The following CSMD1 variants were observed in gnomAD, a reference collection of about 807,000 sequenced individuals.
The protein encoded by CSMD1 is CUB and sushi domain-containing protein 1.
In CSMD1, 213 loss-of-function variants were observed where a neutral mutation model predicts 417.5. The ratio of observed to expected loss-of-function variants is 0.51; its 90% CI spans 0.46 to 0.57. CSMD1 has a LOEUF of 0.57. Ranked by LOEUF, CSMD1 falls within the 20% of genes least tolerant of loss-of-function variation. CSMD1 has a pLI of 0.00. For synonymous variants in CSMD1, 2,862 were observed against 1,736.8 expected, an observed-to-expected ratio of 1.65 and a Z score of -16.11; for missense variants, 6,923 against 4,529.7, an observed-to-expected ratio of 1.53 and a Z score of -15.17.
At chr8:4,245,224 T>C (rs1802632380) in intron 3 of CSMD1, among the ~76,000 whole-genome samples, 1 of 152,182 alleles carries the variant, frequency 6.6e-6, no homozygotes, top group Non-Finnish European at 1.5e-5. Context: ...TTTTCTGAAC[T>C]CTAAATCGGA....
intron 1 of CSMD1, among the ~76,000 whole-genome samples, chr8:4,849,261 G>A (rs1178558273): frequency 2.0e-5 from 3 of 152,072 alleles, no homozygotes; most frequent in Admixed American, 6.6e-5. Flanking sequence ...ACCTGTGCAT[G>A]TGTTTCATAT....
chr8:3,691,187 T>G (rs998070488), intron 7 of CSMD1, among the ~76,000 whole-genome samples: 1 of 151,906 alleles, frequency 6.6e-6, no homozygotes, highest in Non-Finnish European at 1.5e-5. Flanking sequence ...ACCAACATGG[T>G]GAAACCACGT....
intron 54 of CSMD1, among the ~76,000 whole-genome samples, chr8:2,990,736 T>A (rs1428183365): frequency 6.6e-6 from 1 of 152,214 alleles, no homozygotes; most frequent in Non-Finnish European, 1.5e-5. Context: ...GAATGTAAGA[T>A]GCTCTCTACC....
chr8:4,246,325 C>A (rs868465546), intron 3 of CSMD1, among the ~76,000 whole-genome samples: 1 of 152,144 alleles, frequency 6.6e-6, no homozygotes, highest in East Asian at 1.9e-4. Context: ...CCTCCACCTC[C>A]ATCCACGTCC....
At chr8:4,123,879 T>C (rs1802619462) in intron 3 of CSMD1, among the ~76,000 whole-genome samples, 1 of 152,204 alleles carries the variant, frequency 6.6e-6, no homozygotes, top group Admixed American at 6.5e-5. Flanking sequence ...ATTCCAGGGT[T>C]GTATGTGATT....
chr8:3,514,012 C>G (rs1797186378), intron 10 of CSMD1, among the ~76,000 whole-genome samples: 1 of 152,160 alleles, frequency 6.6e-6, no homozygotes, highest in Non-Finnish European at 1.5e-5. Flanking sequence ...TTTTATCGTA[C>G]AGAAAAATAA....
intron 12 of CSMD1, among the ~76,000 whole-genome samples, chr8:3,455,956 C>T (rs924696812): frequency 6.6e-6 from 1 of 152,192 alleles, no homozygotes; most frequent in African/African-American, 2.4e-5. Context: ...AGGTGGGCTC[C>T]ACCCAGTTCG....
intron 21 of CSMD1, among the ~76,000 whole-genome samples, 169 bp downstream of exon 21, chr8:3,358,983 G>C (rs931043999): frequency 6.6e-6 from 1 of 152,080 alleles, no homozygotes; most frequent in East Asian, 1.9e-4. Context: ...TTCAAGCCCA[G>C]AGCAGTTAGG....
chr8:4,210,676 C>A (rs936749853), intron 3 of CSMD1, among the ~76,000 whole-genome samples: 6 of 152,002 alleles, frequency 3.9e-5, no homozygotes, highest in Admixed American at 6.5e-5. Flanking sequence ...CTGAAGAAAG[C>A]CAATTTTCCA....
At position 2,937,271 on chromosome 8, in the gene CSMD1, G is replaced by T. The variant is rs1323723098; in HGVS notation, c.*1314C>A. The stretch of plus-strand genomic sequence containing the variant: ...ATAAAGCATGAAACAAATAACAAAT[G>T]AATGTATAAAATATATCATTGTGAG... On this transcript the variant is annotated 3_prime_UTR_variant, in exon 70 of 70. Transcript: ENST00000635120. 2 of 152,024 alleles carry T rather than the reference G, an allele frequency of 1.3e-5. No homozygotes were observed. The highest frequency in any genetic ancestry group is 4.8e-5 in the African/African-American group (2 of 41,380). 9.4% of individuals were successfully genotyped at this position (152,024 alleles called of 1,614,324 possible). A position where few individuals can be genotyped will look rare whatever the true frequency, so the allele number is the denominator to read the frequency against.
intron 2 of CSMD1, among the ~76,000 whole-genome samples, chr8:4,623,612 G>A (rs1021884802): frequency 6.6e-6 from 1 of 152,048 alleles, no homozygotes; most frequent in Non-Finnish European, 1.5e-5. Flanking sequence ...TAAACTAAAT[G>A]TGGCATAGCT....
chr8:4,657,002 C>T (rs1470699359), intron 1 of CSMD1, among the ~76,000 whole-genome samples: 1 of 152,096 alleles, frequency 6.6e-6, no homozygotes, highest in Non-Finnish European at 1.5e-5. Flanking sequence ...CCTCAAAAAC[C>T]ACCGTAGGGC....
intron 17 of CSMD1, among the ~76,000 whole-genome samples, chr8:3,390,206 T>C (rs1040188223): frequency 6.6e-6 from 1 of 151,520 alleles, no homozygotes; most frequent in Non-Finnish European, 1.5e-5. Context: ...AATATAAAAA[T>C]TAGCCAGGTG....
At chr8:3,261,733 G>T (rs928039561) in intron 26 of CSMD1, among the ~76,000 whole-genome samples, 2 of 152,102 alleles carry the variant, frequency 1.3e-5, no homozygotes, top group African/African-American at 2.4e-5. Context: ...GGTACTGAAT[G>T]AAGAGGCCAG....
intron 3 of CSMD1, among the ~76,000 whole-genome samples, chr8:4,402,790 T>C (rs1029543937): frequency 4.2e-5 from 6 of 144,482 alleles, no homozygotes; most frequent in African/African-American, 1.5e-4. Context: ...TATAATGTCC[T>C]CACTTTTTTC....
chr8:3,057,971 G>T (rs1328497279), intron 49 of CSMD1, among the ~76,000 whole-genome samples: 1 of 152,252 alleles, frequency 6.6e-6, no homozygotes, highest in South Asian at 2.1e-4. Context: ...CGCCTGGCCA[G>T]CAGACCCTCG....
At chr8:3,742,128 G>C (rs898955265) in intron 6 of CSMD1, among the ~76,000 whole-genome samples, 1 of 151,942 alleles carries the variant, frequency 6.6e-6, no homozygotes, top group Admixed American at 6.6e-5. Flanking sequence ...CAGTCTATTT[G>C]TCTATCCACC....
At chr8:4,060,050 T>C (rs180762397) in intron 3 of CSMD1, among the ~76,000 whole-genome samples, 1 of 152,264 alleles carries the variant, frequency 6.6e-6, no homozygotes, top group East Asian at 1.9e-4. Flanking sequence ...CTCAATAAAA[T>C]ACTGGCAAAC....
At chr8:3,997,668 G>C (rs536914580) in intron 5 of CSMD1, among the ~76,000 whole-genome samples, 2 of 152,246 alleles carry the variant, frequency 1.3e-5, no homozygotes, top group Admixed American at 6.5e-5. Flanking sequence ...AGCACTACAA[G>C]TTCAAGCACA....
Sources: allele counts gnomAD v4.1 joint callset (sites outside exome capture counted in the v4.1 genomes callset), GRCh38; gene constraint gnomAD v4.1.1; transcripts MANE v1.5; gene names NCBI Gene and HGNC (gene_info 2026-07-23, HGNC 2026-07-21).